The following AFF3 variants were observed in gnomAD, a reference collection of about 807,000 sequenced individuals.
The protein encoded by AFF3 is ALF transcription elongation factor 3.
A neutral mutation model predicts 129.7 loss-of-function variants in AFF3; 32 were observed. The ratio of observed to expected loss-of-function variants is 0.25; its 90% confidence interval spans 0.19 to 0.33. The LOEUF is 0.33. Among genes scored for constraint, AFF3 ranks in the 10% least tolerant of loss-of-function variants. AFF3 has a pLI of 1.00. For missense variants in AFF3, 1,373 were observed against 1,592.0 expected (o/e 0.86, Z 2.34); for synonymous variants, 644 against 635.4 (o/e 1.01, Z -0.20).
rs544440149 is a variant in AFF3, at chr2:99,672,889, C to T, written c.1092-300G>A. On this transcript the variant is annotated intron_variant, in intron 11 of 24. Coordinates refer to ENST00000672756, the MANE Select transcript of AFF3 (RefSeq NM_001386135.1). The stretch of plus-strand genomic sequence containing the variant: ...CTTAACAATAACGTATTGTATATTT[C>T]GAAATAGCTAGAAGGGAAGAATTGG... 7.9e-5 allele frequency among the ~76,000 whole-genome samples: 12 copies of T among 151,956 alleles called. No homozygotes were observed. The South Asian group carries it at 8.3e-4, about 11-fold the overall frequency.
At chr2:99,791,741 G>A (rs1192670707) in intron 8 of AFF3, among the ~76,000 whole-genome samples, 2 of 152,142 alleles carry the variant, frequency 1.3e-5, no homozygotes, top group Non-Finnish European at 2.9e-5. Flanking sequence ...GCTGAAAAAG[G>A]TGACACGCTG....
chr2:99,578,434 ATTG>A lies in AFF3; in HGVS notation c.2808_2810del (p.Asn937del), dbSNP rs751918839. ...ACTTGTGGAGGGGAATGTTTTCAGA[ATTG>A]TTGTGAGCTGCTTTCTAAACAACAA... On this transcript the variant is annotated inframe_deletion, in exon 18 of 25. Coordinates refer to ENST00000672756, the MANE Select transcript of AFF3 (RefSeq NM_001386135.1). 9 of 1,610,880 alleles carry A rather than the reference ATTG, an allele frequency of 5.6e-6. No homozygotes were observed. Among genetic ancestry groups the A allele is most frequent in the Non-Finnish European group, 7.6e-6 (9 of 1,179,008 alleles).
In AFF3 at chr2:100,007,336, A is replaced by G. The variant is rs767934922; in HGVS notation, c.299T>C (p.Val100Ala). 8.7e-6 allele frequency: 14 copies of G among 1,613,198 alleles called. No individual in the cohort carries two copies. The highest frequency in any genetic ancestry group is 1.2e-5 in the Non-Finnish European group (14 of 1,179,834). Residue 100 changes from valine (V) to alanine (A), a missense_variant, in exon 6 of 25, where the codon GTT becomes GCT. Physicochemically the swap from Val to Ala is moderately conservative, Grantham distance 64 (BLOSUM62 0). Transcript: ENST00000672756. ...GATCTTGTTCACAGGAGTCTGAGGA[A>G]CCCCAGGTTTGGGAACTCCAACGAG... ...SHLVGVPKPG[V>A]PQTPVNKIDE...
intron 8 of AFF3, among the ~76,000 whole-genome samples, chr2:99,828,577 G>A (rs1038512736): frequency 6.6e-6 from 1 of 152,178 alleles, no homozygotes; most frequent in Non-Finnish European, 1.5e-5. Context: ...ACTTCCAAAG[G>A]GGGCCATGAC....
At chr2:99,834,166 G>A (rs554199557) in intron 8 of AFF3, among the ~76,000 whole-genome samples, 1 of 152,100 alleles carries the variant, frequency 6.6e-6, no homozygotes, top group Non-Finnish European at 1.5e-5. Flanking sequence ...GACTGGTTTC[G>A]TTAATGAGCC....
chr2:99,854,721 C>T (rs957971156), intron 7 of AFF3, among the ~76,000 whole-genome samples: 4 of 152,054 alleles, frequency 2.6e-5, no homozygotes, highest in Non-Finnish European at 4.4e-5. Flanking sequence ...CTCTTTTCCA[C>T]TCAACAGGAA....
chr2:99,670,535 C>CTGTG (rs34684988), intron 12 of AFF3, among the ~76,000 whole-genome samples: 16 of 150,376 alleles, frequency 1.1e-4, no homozygotes, highest in Admixed American at 1.3e-4. Context: ...GTGTATGTGT[C>CTGTG]TGTGTGTGTG....
chr2:99,613,008 A>G (rs761349485), intron 13 of AFF3, among the ~76,000 whole-genome samples: 10 of 152,186 alleles, frequency 6.6e-5, no homozygotes, highest in Non-Finnish European at 1.5e-4. Flanking sequence ...ATGGTTTTTG[A>G]ACTTTTCTGT....
intron 8 of AFF3, among the ~76,000 whole-genome samples, chr2:99,790,196 C>T (rs1685097829): frequency 6.6e-6 from 1 of 152,196 alleles, no homozygotes; most frequent in Non-Finnish European, 1.5e-5. Flanking sequence ...AGAAATGTGA[C>T]AGTAACAGCA....
intron 19 of AFF3, among the ~76,000 whole-genome samples, chr2:99,566,700 T>C (rs1676001860): frequency 6.6e-6 from 1 of 152,248 alleles, no homozygotes; most frequent in Non-Finnish European, 1.5e-5. Context: ...CCTGGTTCCA[T>C]ACCTTACTAC....
intron 4 of AFF3, among the ~76,000 whole-genome samples, chr2:100,095,194 A>C (rs561217751): frequency 0.015 from 2,226 of 150,832 alleles, 27 homozygotes; most frequent in Non-Finnish European, 0.024. Flanking sequence ...ATTTTCTTAA[A>C]TGTAAAAGAA....
intron 7 of AFF3, among the ~76,000 whole-genome samples, chr2:100,003,928 T>C (rs1365192920): frequency 6.6e-6 from 1 of 152,052 alleles, no homozygotes; most frequent in East Asian, 1.9e-4. Flanking sequence ...TGCTGCAGTC[T>C]AATTTATTCA....
In AFF3 at chr2:99,921,360, C is replaced by T. The variant is rs181958917; in HGVS notation, c.874-83836G>A. On this transcript the variant is annotated intron_variant, in intron 7 of 24. Coordinates refer to ENST00000672756, the MANE Select transcript of AFF3 (RefSeq NM_001386135.1). ...ACAAGGGAAGACTGAGGAACTACAA[C>T]AGATTGGAGGAAACTGAGGAGTTAT... is the stretch of plus-strand genomic sequence containing the variant. Among the ~76,000 whole-genome samples, 49 of 152,198 alleles carry T rather than the reference C, an allele frequency of 3.2e-4. No homozygotes were observed. In the East Asian group the frequency reaches 9.4e-3, roughly 29 times the overall value.
intron 8 of AFF3, among the ~76,000 whole-genome samples, chr2:99,817,246 C>T (rs1215482111): frequency 2.6e-5 from 4 of 152,178 alleles, no homozygotes; most frequent in East Asian, 1.9e-4. Flanking sequence ...CAAACCTCCC[C>T]GGGTCTGCCA....
intron 1 of AFF3, among the ~76,000 whole-genome samples, chr2:100,130,021 T>C (rs943385953): frequency 2.0e-5 from 3 of 152,118 alleles, no homozygotes; most frequent in Non-Finnish European, 4.4e-5. Flanking sequence ...ATATTGTGCA[T>C]GAAAAGGAGG....
intron 8 of AFF3, among the ~76,000 whole-genome samples, chr2:99,752,547 T>A (rs1252772296): frequency 6.6e-6 from 1 of 152,216 alleles, no homozygotes; most frequent in Non-Finnish European, 1.5e-5. Flanking sequence ...TTTGCAAGGC[T>A]GTCCTATTTT....
intron 16 of AFF3, among the ~76,000 whole-genome samples, chr2:99,583,672 A>G (rs1389648859): frequency 6.6e-6 from 1 of 151,754 alleles, no homozygotes; most frequent in Non-Finnish European, 1.5e-5. Flanking sequence ...CATCGTGCCC[A>G]GCCAAATTCT....
chr2:99,594,347 G>A, intron 14 of AFF3, 58 bp from the exon 15 acceptor site: 1 of 1,542,302 alleles, frequency 6.5e-7, no homozygotes, highest in Non-Finnish European at 8.7e-7. Flanking sequence ...TCACTTAAAA[G>A]GGGCCTGGCT....
chr2:100,139,461 G>A (rs909823783), intron 1 of AFF3, among the ~76,000 whole-genome samples: 1 of 152,200 alleles, frequency 6.6e-6, no homozygotes, highest in African/African-American at 2.4e-5. Context: ...GGGAGGAACA[G>A]CAATAAATCA....
Sources: allele counts gnomAD v4.1 joint callset (sites outside exome capture counted in the v4.1 genomes callset), GRCh38; gene constraint gnomAD v4.1.1; transcripts MANE v1.5; gene names NCBI Gene and HGNC (gene_info 2026-07-23, HGNC 2026-07-21).